The following CDHR2 variants were observed in gnomAD, a reference collection of about 807,000 sequenced individuals.
CDHR2 encodes the protein cadherin-related family member 2.
In CDHR2, 104 loss-of-function variants were observed where a neutral mutation model predicts 138.6. That is an observed-to-expected ratio of 0.75 (90% CI 0.64 to 0.88). The LOEUF is 0.88. Among genes scored for constraint, CDHR2 ranks in the 40% least tolerant of loss-of-function variants. The pLI, the probability that CDHR2 is intolerant of heterozygous loss-of-function variation, is 0.00. For synonymous variants in CDHR2, 755 were observed against 742.8 expected (o/e 1.02, Z -0.27); for missense variants, 1,624 against 1,727.6 (o/e 0.94, Z 1.06).
chr5:176,580,157 C>T (rs528989242), intron 16 of CDHR2, among the ~76,000 whole-genome samples: 3 of 148,844 alleles, frequency 2.0e-5, no homozygotes, highest in East Asian at 3.9e-4. Flanking sequence ...CACACACACA[C>T]TCACACACGC....
At chr5:176,577,150 G>T (rs536388256) in intron 12 of CDHR2, among the ~76,000 whole-genome samples, 2 of 152,080 alleles carry the variant, frequency 1.3e-5, no homozygotes, top group South Asian at 4.2e-4. Context: ...GGAGTGAGGG[G>T]TGTGTGTCCA....
chr5:176,584,650 C>T lies in CDHR2; in HGVS notation c.2369C>T (p.Thr790Ile), dbSNP rs768145205. The change falls in exon 19 of 32, where the codon ACC (threonine) becomes ATC (isoleucine). Residue 790 changes from threonine (T) to isoleucine (I), a missense_variant. This residue lies in a region of CDHR2 where 1,061 missense variants were observed against 1,136.6 expected (regional missense o/e 0.93). Coordinates refer to ENST00000261944, the MANE Select transcript of CDHR2 (RefSeq NM_017675.6). ...AACCCAGACCCCCAGGGGGGTGAGA[C>T]CATAGTAGACGTCTGCGTGAATGTG... ...AENPDPQGGE[T>I]IVDVCVNVKD... The T allele has an allele frequency of 1.9e-6, 3 of 1,613,658 alleles. No individual in the cohort carries two copies. Among genetic ancestry groups the T allele is most frequent in the South Asian group, 1.1e-5 (1 of 91,026 alleles).
intron 5 of CDHR2, among the ~76,000 whole-genome samples, chr5:176,569,780 G>GA (rs1028459475): frequency 6.6e-6 from 1 of 151,936 alleles, no homozygotes; most frequent in East Asian, 1.9e-4. Flanking sequence ...CCAACATGGA[G>GA]AAACCCCCAT....
At position 176,565,708 on chromosome 5, in the gene CDHR2, T is replaced by G. The variant is rs765635339; in HGVS notation, c.89T>G (p.Met30Arg). ...ANVAPKFLANMTSVILPEDLP... is the reference protein window; with the variant it reads ...ANVAPKFLANRTSVILPEDLP... ...GTGGCCCCGAAGTTCCTAGCCAACATGACGTCAGTGATCCTGCCTGAGGAC... is the reference window on the plus strand; with the variant it reads ...GTGGCCCCGAAGTTCCTAGCCAACAGGACGTCAGTGATCCTGCCTGAGGAC... The change falls in exon 3 of 32, where the codon ATG becomes AGG. Residue 30 changes from methionine (M) to arginine (R), a missense_variant. Met to Arg is a moderately conservative substitution (Grantham distance 91, BLOSUM62 -1). Transcript: ENST00000261944. 8.7e-6 allele frequency: 14 copies of G among 1,613,854 alleles called. No homozygotes were observed. The African/African-American group carries it at 1.7e-4, about 20-fold the overall frequency.
Position 176,552,098 on chromosome 5 carries a change from C to T in CDHR2, c.-16+2684C>T, listed in dbSNP as rs57194552. ...ACTGGGACCTTGTTTCACACCCATG[C>T]GTTGGCCTGAGGCTGCCCCAGCAGG... On this transcript the variant is annotated intron_variant, in intron 1 of 31. Coordinates refer to ENST00000261944, the MANE Select transcript of CDHR2 (RefSeq NM_017675.6). 7.9e-3 allele frequency among the ~76,000 whole-genome samples: 1,201 copies of T among 152,324 alleles called. 16 individuals carry two copies. The highest frequency in any genetic ancestry group is 0.027 in the African/African-American group (1,126 of 41,566).
intron 3 of CDHR2, among the ~76,000 whole-genome samples, chr5:176,567,558 C>T (rs1758113560): frequency 6.6e-6 from 1 of 152,084 alleles, no homozygotes; most frequent in Non-Finnish European, 1.5e-5. Context: ...GTGGTGCGAT[C>T]TCAGCTCACT....
At chr5:176,561,076 G>A (rs1435669764) in intron 1 of CDHR2, among the ~76,000 whole-genome samples, 2 of 152,176 alleles carry the variant, frequency 1.3e-5, no homozygotes, top group African/African-American at 4.8e-5. Context: ...CTCCAACAAT[G>A]AGAAGGGCAA....
chr5:176,591,089 C>T (rs3792728), intron 28 of CDHR2, 121 bp from the exon 29 acceptor site: 183,808 of 681,604 alleles, frequency 0.27, 25,262 homozygotes, highest in Middle Eastern at 0.31. Flanking sequence ...TACTTCTACC[C>T]TCTGTAAAAT....
chr5:176,565,357 C>A lies in CDHR2; in HGVS notation c.5C>A (p.Ala2Asp), dbSNP rs1758055106. 1 of 1,613,970 alleles carries A rather than the reference C, an allele frequency of 6.2e-7. No homozygotes were observed. The highest frequency in any genetic ancestry group is 2.2e-5 in the East Asian group (1 of 44,874). ...CCTTAGGTCCCTGCGGATGTGATGGCCCAGCTATGGCTGTCCTGCTTCCTC... is the reference window on the plus strand; with the variant it reads ...CCTTAGGTCCCTGCGGATGTGATGGACCAGCTATGGCTGTCCTGCTTCCTC... M[A>D]QLWLSCFLLP... Residue 2 changes from alanine to aspartate, a missense_variant, in exon 2 of 32, where the codon GCC becomes GAC. Coordinates refer to ENST00000261944, the MANE Select transcript of CDHR2 (RefSeq NM_017675.6).
At chr5:176,555,111 G>A (rs1757792701) in intron 1 of CDHR2, among the ~76,000 whole-genome samples, 1 of 152,220 alleles carries the variant, frequency 6.6e-6, no homozygotes, top group East Asian at 1.9e-4. Flanking sequence ...ATCATTGCCT[G>A]TGTTTCATGT....
chr5:176,591,008 A>G lies in CDHR2; in HGVS notation c.3540-202A>G, dbSNP rs79446308. ...CAACATGTATAGAGTCAGCAGCCGT[A>G]TCTGGGCTTGACTTCAAGCCTTGTC... On this transcript the variant is annotated intron_variant, in intron 28 of 31. Coordinates refer to ENST00000261944, the MANE Select transcript of CDHR2 (RefSeq NM_017675.6). 4.9e-3 allele frequency among the ~76,000 whole-genome samples: 746 copies of G among 152,378 alleles called. 5 individuals carry two copies. Among genetic ancestry groups the G allele is most frequent in the African/African-American group, 0.017 (698 of 41,598 alleles).
At position 176,595,594 on chromosome 5, in the gene CDHR2, A is replaced by G. The variant is rs776290108; in HGVS notation, c.3855A>G (p.Leu1285=). The change falls in exon 32 of 32, where the codon TTA becomes TTG. Residue 1285 remains leucine (L), a synonymous_variant. Coordinates refer to ENST00000261944, the MANE Select transcript of CDHR2 (RefSeq NM_017675.6). ...CAGAGCCCCTGAGCGTGGTCCTGTT[A>G]GGACGGCAGGCAGGCGCAAGTGGAC... ...PDPEPLSVVL[L]GRQAGASGQL... 1.2e-6 allele frequency: 2 copies of G among 1,612,954 alleles called. No individual in the cohort carries two copies. Among genetic ancestry groups the G allele is most frequent in the Admixed American group, 1.7e-5 (1 of 59,934 alleles).
In CDHR2 at chr5:176,577,528, G is replaced by A. The variant is rs114930966; in HGVS notation, c.1324G>A (p.Glu442Lys). The A allele has an allele frequency of 4.2e-5, 67 of 1,613,680 alleles. No individual in the cohort carries two copies. Among genetic ancestry groups the A allele is most frequent in the African/African-American group, 4.1e-4 (31 of 75,048 alleles). ...GAGAGTATCCGCGCTGGTGGACTAC[G>A]AGAGGCAGACGGCGATGGCGGTGCA... is the stretch of plus-strand genomic sequence containing the variant. ...LVRVSALVDY[E>K]RQTAMAVQVV... The change falls in exon 13 of 32, where the codon GAG (glutamate) becomes AAG (lysine). Residue 442 changes from glutamate to lysine, a missense_variant. By Grantham distance (56) the Glu-to-Lys change is moderately conservative. Around this residue, in one of 3 missense-constraint regions of CDHR2, gnomAD observed 1,061 missense variants for 1,136.6 expected, o/e 0.93. Coordinates refer to ENST00000261944, the MANE Select transcript of CDHR2 (RefSeq NM_017675.6).
At chr5:176,589,938 G>A in intron 24 of CDHR2, 140 bp from the exon 25 acceptor site, 1 of 737,918 alleles carries the variant, frequency 1.4e-6, no homozygotes, top group Non-Finnish European at 2.4e-6. Flanking sequence ...TTTTCACAGA[G>A]ATGCTACCTA....
rs1423655167 is a variant in CDHR2 at position 176,578,431 on chromosome 5, C to G, written c.1641C>G (p.Asp547Glu). 6.2e-7 allele frequency: 1 copy of G among 1,614,096 alleles called. No homozygotes were observed. Among genetic ancestry groups the G allele is most frequent in the Admixed American group, 1.7e-5 (1 of 60,020 alleles). Residue 547 changes from aspartate (D) to glutamate (E), a missense_variant, in exon 16 of 32, where the codon GAC (aspartate) becomes GAG (glutamate). Physicochemically the swap from Asp to Glu is conservative, Grantham distance 45. This residue lies in a region of CDHR2 where 1,061 missense variants were observed against 1,136.6 expected (regional missense o/e 0.93). Transcript: ENST00000261944. Reference sequence around the variant, plus strand: ...CGGTGAGGAACGGTGAGCTGCTGGACCGGGAGAGCCAGGCCGTGTACTACC... The same window carrying G: ...CGGTGAGGAACGGTGAGCTGCTGGAGCGGGAGAGCCAGGCCGTGTACTACC... ...TVTVRNGELL[D>E]RESQAVYYLT...
chr5:176,589,116 T>G lies in CDHR2; in HGVS notation c.2942T>G (p.Ile981Ser). The G allele has an allele frequency of 1.2e-6, 2 of 1,614,142 alleles. No individual in the cohort carries two copies. Among genetic ancestry groups the G allele is most frequent in the Non-Finnish European group, 1.7e-6 (2 of 1,180,000 alleles). Residue 981 changes from isoleucine (I) to serine (S), a missense_variant, in exon 22 of 32, where the codon ATC (isoleucine) becomes AGC (serine). Transcript: ENST00000261944. ...VDFISKDGAT[I>S]PFQGVFSIFT... ...TTCATCTCTAAGGACGGGGCCACCA[T>G]CCCTTTCCAGGGTGTCTTCTCGATC... is the stretch of plus-strand genomic sequence containing the variant.
At chr5:176,548,541 A>T (rs1347603448), upstream of CDHR2, among the ~76,000 whole-genome samples, 1 of 152,174 alleles carries the variant, frequency 6.6e-6, no homozygotes, top group Non-Finnish European at 1.5e-5. Flanking sequence ...GGAGTTCGAG[A>T]CCAGCCTGGC....
intron 1 of CDHR2, among the ~76,000 whole-genome samples, 198 bp from the exon 2 acceptor site, chr5:176,565,140 C>A (rs1175437705): frequency 2.6e-5 from 4 of 152,166 alleles, no homozygotes; most frequent in Non-Finnish European, 4.4e-5. Flanking sequence ...ATCGTGGTCA[C>A]CCCTACCCCA....
intron 1 of CDHR2, among the ~76,000 whole-genome samples, chr5:176,562,093 G>C (rs1034002598): frequency 2.0e-5 from 3 of 152,148 alleles, no homozygotes; most frequent in East Asian, 3.9e-4. Context: ...GGAGTGGTTC[G>C]AGGTGAAGCT....
Sources: allele counts gnomAD v4.1 joint callset (sites outside exome capture counted in the v4.1 genomes callset), GRCh38; gene constraint gnomAD v4.1.1; regional missense constraint gnomAD v4.1.1; transcripts MANE v1.5; gene names NCBI Gene and HGNC (gene_info 2026-07-23, HGNC 2026-07-21).